RPH3A: variants seen among roughly 807,000 people sequenced by gnomAD.
The protein encoded by RPH3A is rabphilin-3A.
A neutral mutation model predicts 102.2 loss-of-function variants in RPH3A; 48 were observed. The ratio of observed to expected loss-of-function variants is 0.47; its 90% CI spans 0.37 to 0.60. The LOEUF (loss-of-function observed/expected upper bound fraction) is 0.60. Among genes scored for constraint, RPH3A ranks in the 20% least tolerant of loss-of-function variants. The pLI, the probability that RPH3A is intolerant of heterozygous loss-of-function variation, is 0.00. For synonymous variants in RPH3A, 310 were observed against 324.3 expected (o/e 0.96, Z 0.47); for missense variants, 781 against 910.1 (o/e 0.86, Z 1.83).
chr12:112,633,625 G>A (rs892110437), intron 1 of RPH3A, among the ~76,000 whole-genome samples: 3 of 152,230 alleles, frequency 2.0e-5, no homozygotes, highest in East Asian at 1.9e-4. Context: ...GCCCCTCAAC[G>A]TTGAACTTCT....
chr12:112,864,695 G>T (rs1428334995), intron 5 of RPH3A, among the ~76,000 whole-genome samples: 3 of 152,162 alleles, frequency 2.0e-5, no homozygotes, highest in African/African-American at 7.2e-5. Context: ...CAGATTGCTG[G>T]ATCTCTATCC....
At chr12:112,798,717 A>C (rs2041282457) in intron 2 of RPH3A, among the ~76,000 whole-genome samples, 1 of 151,246 alleles carries the variant, frequency 6.6e-6, no homozygotes, top group African/African-American at 2.4e-5. Context: ...CTAAGCCCCT[A>C]AGTCTCTGTC....
chr12:112,716,261 G>GT (rs2040512683), intron 1 of RPH3A, among the ~76,000 whole-genome samples: 1 of 152,080 alleles, frequency 6.6e-6, no homozygotes, highest in Admixed American at 6.6e-5. Context: ...AGCCCAGTAG[G>GT]TCTCAGCCTT....
intron 1 of RPH3A, among the ~76,000 whole-genome samples, chr12:112,763,547 T>C (rs2040868419): frequency 6.6e-6 from 1 of 152,218 alleles, no homozygotes; most frequent in African/African-American, 2.4e-5. Context: ...AGTTATTATC[T>C]AAAGACCTGG....
chr12:112,664,706 C>T (rs946352270), intron 1 of RPH3A, among the ~76,000 whole-genome samples: 1 of 152,004 alleles, frequency 6.6e-6, no homozygotes, highest in Admixed American at 6.6e-5. Context: ...AGAGGTCATC[C>T]GCTGGTAACT....
intron 16 of RPH3A, 129 bp downstream of exon 16, chr12:112,883,531 T>C (rs1044700109): frequency 6.1e-6 from 4 of 653,938 alleles, no homozygotes; most frequent in Non-Finnish European, 1.1e-5. Flanking sequence ...TTTTTCCTTC[T>C]TGTTTACTTT....
chr12:112,656,808 C>CAT lies in RPH3A; in HGVS notation c.-140+81502_-140+81503dup, dbSNP rs984222907. Among the ~76,000 whole-genome samples the CAT allele has an allele frequency of 1.7e-3, 247 of 149,422 alleles. 1 individual carries two copies. Among genetic ancestry groups the CAT allele is most frequent in the African/African-American group, 5.3e-3 (213 of 40,344 alleles). On this transcript the variant is annotated intron_variant, in intron 1 of 21. Transcript: ENST00000543106. Reference sequence around the variant, plus strand: ...CGGTGTGTGTGTGTATATATATATACATATATATATATATCTCCACATTTT... The same window carrying CAT: ...CGGTGTGTGTGTGTATATATATATACATATATATATATATATCTCCACATTTT...
At chr12:112,584,892 C>T (rs570970755) in intron 1 of RPH3A, among the ~76,000 whole-genome samples, 3 of 152,216 alleles carry the variant, frequency 2.0e-5, no homozygotes, top group South Asian at 4.2e-4. Flanking sequence ...AGAGTATTGA[C>T]TCACACTATC....
intron 2 of RPH3A, among the ~76,000 whole-genome samples, chr12:112,814,128 AGTGT>A (rs897096126): frequency 2.0e-5 from 3 of 151,060 alleles, no homozygotes; most frequent in East Asian, 1.9e-4. Context: ...TGGGGATGTG[AGTGT>A]GTGTATGTGC....
chr12:112,828,377 C>T lies in RPH3A; in HGVS notation c.59C>T (p.Pro20Leu). The change falls in exon 3 of 22, where the codon CCC becomes CTC. Residue 20 changes from proline to leucine, a missense_variant. Physicochemically the swap from Pro to Leu is moderately conservative, Grantham distance 98. Coordinates refer to ENST00000389385, the MANE Select transcript of RPH3A (RefSeq NM_001143854.2). ...CGTTGGATGTACCCCAGTGACCGGC[C>T]CCTTCAATCAAAGTAAGTTGCTGCA... The part of the protein sequence containing the change: ...SNRWMYPSDR[P>L]LQSNDKEQLQ... 1 of 1,603,406 alleles carries T rather than the reference C, an allele frequency of 6.2e-7. No homozygotes were observed. The highest frequency in any genetic ancestry group is 8.5e-7 in the Non-Finnish European group (1 of 1,175,318).
chr12:112,605,107 G>C (rs1399976981), intron 1 of RPH3A, among the ~76,000 whole-genome samples: 1 of 152,166 alleles, frequency 6.6e-6, no homozygotes, highest in African/African-American at 2.4e-5. Context: ...AGGTGCAGTG[G>C]CTCATGCCTG....
intron 4 of RPH3A, among the ~76,000 whole-genome samples, chr12:112,846,873 C>T (rs1388629125): frequency 6.6e-6 from 1 of 152,204 alleles, no homozygotes; most frequent in Non-Finnish European, 1.5e-5. Context: ...TTCTTTCCGT[C>T]TCATGGAGGG....
intron 1 of RPH3A, among the ~76,000 whole-genome samples, chr12:112,742,356 A>C (rs2040715147): frequency 6.6e-6 from 1 of 152,156 alleles, no homozygotes; most frequent in Admixed American, 6.5e-5. Flanking sequence ...TATCTGAAGA[A>C]GCATCCACAG....
intron 1 of RPH3A, among the ~76,000 whole-genome samples, chr12:112,753,202 C>T (rs776098902): frequency 2.6e-5 from 4 of 152,134 alleles, no homozygotes; most frequent in Non-Finnish European, 5.9e-5. Context: ...ATGGCCCTGA[C>T]CTCAGCTTTC....
chr12:112,747,365 G>T (rs2040756039), intron 1 of RPH3A, among the ~76,000 whole-genome samples: 1 of 152,172 alleles, frequency 6.6e-6, no homozygotes, highest in Admixed American at 6.5e-5. Flanking sequence ...ACCAGGAAGT[G>T]GGTCCTCATC....
At chr12:112,833,673 A>G (rs2042004898) in intron 3 of RPH3A, among the ~76,000 whole-genome samples, 1 of 145,756 alleles carries the variant, frequency 6.9e-6, no homozygotes, top group African/African-American at 2.5e-5. Context: ...GGTAGAATTA[A>G]TATACCTTCA....
At chr12:112,894,457 A>G (rs936881282) in intron 19 of RPH3A, 121 bp from the exon 20 acceptor site, 15 of 866,496 alleles carry the variant, frequency 1.7e-5, no homozygotes, top group East Asian at 5.3e-5. Context: ...GTCATTATCA[A>G]TGTTGATCCC....
chr12:112,728,232 GT>G (rs1163296798), intron 1 of RPH3A, among the ~76,000 whole-genome samples: 1 of 152,192 alleles, frequency 6.6e-6, no homozygotes, highest in African/African-American at 2.4e-5. Flanking sequence ...TTTATCACCA[GT>G]TTCCTTTTGT....
chr12:112,875,951 G>T (rs2042791218), intron 12 of RPH3A, among the ~76,000 whole-genome samples: 1 of 152,184 alleles, frequency 6.6e-6, no homozygotes, highest in Non-Finnish European at 1.5e-5. Context: ...TTAGAGCATA[G>T]ACTACCTGGG....
Sources: allele counts gnomAD v4.1 joint callset (sites outside exome capture counted in the v4.1 genomes callset), GRCh38; gene constraint gnomAD v4.1.1; transcripts MANE v1.5; gene names NCBI Gene and HGNC (gene_info 2026-07-23, HGNC 2026-07-21).